The following ERGIC3 variants were observed in gnomAD, a reference collection of about 807,000 sequenced individuals.
ERGIC3 encodes ERGIC and golgi 3, also known as endoplasmic reticulum-Golgi intermediate compartment protein 3.
A neutral mutation model predicts 54.7 loss-of-function variants in ERGIC3; 33 were observed. The observed-to-expected ratio is 0.60, with a 90% CI of 0.46 to 0.81. The LOEUF is 0.81. Ranked by LOEUF, ERGIC3 falls within the 30% of genes least tolerant of loss-of-function variation. The pLI is 0.00. For missense variants in ERGIC3, 399 were observed against 488.4 expected, an observed-to-expected ratio of 0.82 and a Z score of 1.73; for synonymous variants, 186 against 189.8, an observed-to-expected ratio of 0.98 and a Z score of 0.16.
chr20:35,554,441 C>A, intron 7 of ERGIC3: 5 of 1,608,162 alleles, frequency 3.1e-6, no homozygotes, highest in Non-Finnish European at 4.3e-6. Context: ...GCAGCCTGCC[C>A]TACTAGAATG....
At chr20:35,553,020 A>ATGTTTTTTTTTTTTTTT (rs2064689728) in intron 7 of ERGIC3, among the ~76,000 whole-genome samples, 3 of 41,552 alleles carry the variant, frequency 7.2e-5, no homozygotes, top group African/African-American at 1.7e-4. Context: ...AAAGCTGGGG[A>ATGTTTTTTTTTTTTTTT]TTTTTTTTTT....
intron 3 of ERGIC3, 41 bp from the exon 4 acceptor site, chr20:35,542,781 C>T (rs1379588198): frequency 1.9e-6 from 3 of 1,613,810 alleles, no homozygotes; most frequent in African/African-American, 2.7e-5. Context: ...TCCCCTTGTC[C>T]CTAGGGTCCC....
intron 5 of ERGIC3, 42 bp from the exon 6 acceptor site, chr20:35,548,467 T>TA: frequency 6.2e-7 from 1 of 1,603,604 alleles, no homozygotes; most frequent in South Asian, 1.1e-5. Context: ...GCACTGGACT[T>TA]ATGCCTCTTT....
chr20:35,557,035 C>G lies in ERGIC3; in HGVS notation c.942C>G (p.Gly314=). Residue 314 remains glycine (G), a synonymous_variant, in exon 11 of 13, where the codon GGC becomes GGG. Coordinates refer to ENST00000348547, the MANE Select transcript of ERGIC3 (RefSeq NM_015966.3). ...AGAAGGTTGCCAATGGGCTGTTGGG[C>G]GACCAAGGCCTTCCCGGAGTCTTCG... ...RHEKVANGLL[G]DQGLPGVFVL... 1 of 1,614,222 alleles carries G rather than the reference C, an allele frequency of 6.2e-7. No homozygotes were observed. The highest frequency in any genetic ancestry group is 1.1e-5 in the South Asian group (1 of 91,088).
chr20:35,556,368 C>G (rs771512858), intron 10 of ERGIC3, 97 bp downstream of exon 10: 1 of 1,291,532 alleles, frequency 7.7e-7, no homozygotes, highest in African/African-American at 1.5e-5. Flanking sequence ...AAAGCTGCCT[C>G]GTCCTCACAT....
Position 35,557,063 on chromosome 20 carries a change from C to T in ERGIC3, c.970C>T (p.Leu324Phe). 2.5e-6 allele frequency: 4 copies of T among 1,614,236 alleles called. No homozygotes were observed. The highest frequency in any genetic ancestry group is 3.4e-6 in the Non-Finnish European group (4 of 1,180,034). ...CCAAGGCCTTCCCGGAGTCTTCGTC[C>T]TCTATGAGCTCTCGCCCATGATGGT... The part of the protein sequence containing the change: ...GDQGLPGVFV[L>F]YELSPMMVKL... The change falls in exon 11 of 13, where the codon CTC becomes TTC. Residue 324 changes from leucine (L) to phenylalanine (F), a missense_variant. By Grantham distance (22) the Leu-to-Phe change is conservative. Transcript: ENST00000348547.
chr20:35,542,900 A>T lies in ERGIC3; in HGVS notation c.326A>T (p.Asp109Val), dbSNP rs753294035. The stretch of plus-strand genomic sequence containing the variant: ...CACAACCTGTTCAAGCAACGACTAG[A>T]TAAAGATGGCATCCCCGTGAGCTCA... ...VEHNLFKQRL[D>V]KDGIPVSSEA... Residue 109 changes from aspartate to valine, a missense_variant, in exon 4 of 13, where the codon GAT becomes GTT. Asp to Val is a radical substitution (Grantham distance 152, BLOSUM62 -3). Transcript: ENST00000348547. 6.2e-7 allele frequency: 1 copy of T among 1,614,160 alleles called. No homozygotes were observed. Among genetic ancestry groups the T allele is most frequent in the Non-Finnish European group, 8.5e-7 (1 of 1,180,034 alleles).
chr20:35,547,374 G>A, intron 4 of ERGIC3, 38 bp from the exon 5 acceptor site: 1 of 1,545,276 alleles, frequency 6.5e-7, no homozygotes, highest in East Asian at 2.2e-5. Context: ...CACTGTGTCT[G>A]GCCCCAGCTG....
At position 35,548,621 on chromosome 20, in the gene ERGIC3, C is replaced by A. The variant is rs1175888276; in HGVS notation, c.574C>A (p.Gln192Lys). 1.9e-6 allele frequency: 3 copies of A among 1,614,066 alleles called. No homozygotes were observed. The highest frequency in any genetic ancestry group is 2.5e-6 in the Non-Finnish European group (3 of 1,180,034). ...GCGAGAGGGCTTCAGCCAGAAGATGCAGGAGCAGAAGAATGAAGGCTGCCA... is the reference window on the plus strand; with the variant it reads ...GCGAGAGGGCTTCAGCCAGAAGATGAAGGAGCAGAAGAATGAAGGCTGCCA... ...CRREGFSQKM[Q>K]EQKNEGCQVY... The change falls in exon 6 of 13, where the codon CAG (glutamine) becomes AAG (lysine). Residue 192 changes from glutamine (Q) to lysine (K), a missense_variant. By Grantham distance (53) the Gln-to-Lys change is moderately conservative (BLOSUM62 1). Transcript: ENST00000348547.
At chr20:35,552,764 A>G (rs1463306568) in intron 7 of ERGIC3, among the ~76,000 whole-genome samples, 3 of 152,154 alleles carry the variant, frequency 2.0e-5, no homozygotes, top group Non-Finnish European at 4.4e-5. Flanking sequence ...CAACAGAGCA[A>G]GTGGCTTGGG....
chr20:35,548,701 G>C lies in ERGIC3; in HGVS notation c.627+27G>C, dbSNP rs764363895. 2.5e-6 allele frequency: 4 copies of C among 1,614,160 alleles called. No individual in the cohort carries two copies. The Admixed American group carries it at 6.7e-5, about 27-fold the overall frequency. The stretch of plus-strand genomic sequence containing the variant: ...TATCAGGAGGGATCAAGACAAGATA[G>C]GGCCAGCTGGGCTGGGCAAGCTCCA... On this transcript the variant is annotated intron_variant, in intron 6 of 12. Transcript: ENST00000348547.
At chr20:35,551,175 T>G (rs1184231058) in intron 7 of ERGIC3, among the ~76,000 whole-genome samples, 1 of 151,908 alleles carries the variant, frequency 6.6e-6, no homozygotes, top group Non-Finnish European at 1.5e-5. Flanking sequence ...GCGCCTGTAG[T>G]CCCAGCTACT....
chr20:35,553,020 A>ATTT (rs141438822), intron 7 of ERGIC3, among the ~76,000 whole-genome samples: 9,563 of 41,302 alleles, frequency 0.23, 3,509 homozygotes, highest in Middle Eastern at 0.5. Context: ...AAAGCTGGGG[A>ATTT]TTTTTTTTTT....
chr20:35,548,326 A>G (rs991546405), intron 5 of ERGIC3, among the ~76,000 whole-genome samples, 183 bp from the exon 6 acceptor site: 1 of 152,172 alleles, frequency 6.6e-6, no homozygotes, highest in African/African-American at 2.4e-5. Flanking sequence ...AAATTTTAAA[A>G]ATTAAAAAAA....
chr20:35,555,970 A>G (rs1241839913), intron 8 of ERGIC3, 63 bp from the exon 9 acceptor site: 1 of 1,505,420 alleles, frequency 6.6e-7, no homozygotes, highest in Non-Finnish European at 9.2e-7. Flanking sequence ...AGACGGACCC[A>G]GGTGTCCCTG....
chr20:35,551,150 C>T (rs1036404741), intron 7 of ERGIC3, among the ~76,000 whole-genome samples: 3 of 151,878 alleles, frequency 2.0e-5, no homozygotes, highest in African/African-American at 7.3e-5. Flanking sequence ...AAAAATCAGC[C>T]GGGCGTAGCG....
Position 35,555,074 on chromosome 20 carries a change from A to G in ERGIC3, c.716A>G (p.Asn239Ser). Reference protein sequence around the residue: ...VHDLQSFGLDNINMTHYIQHL... With the variant: ...VHDLQSFGLDSINMTHYIQHL... ...GACTTGCAGAGCTTTGGCCTTGACA[A>G]CGTACGTACCAGATGGAAACCATGG... Residue 239 changes from asparagine (N) to serine (S), a missense_variant and splice_region_variant, in exon 8 of 13, where the codon AAC becomes AGC. Physicochemically the swap from Asn to Ser is conservative, Grantham distance 46 (BLOSUM62 1). Transcript: ENST00000348547. The G allele has an allele frequency of 6.2e-7, 1 of 1,602,168 alleles. No homozygotes were observed. Among genetic ancestry groups the G allele is most frequent in the Non-Finnish European group, 8.5e-7 (1 of 1,173,636 alleles).
chr20:35,549,653 T>C (rs2064670937), intron 7 of ERGIC3: 1 of 168,480 alleles, frequency 5.9e-6, no homozygotes, highest in African/African-American at 2.4e-5. Flanking sequence ...TTTTTCTTTT[T>C]TGAGACAGAG....
At chr20:35,549,616 A>G (rs1452779133) in intron 7 of ERGIC3, 1 of 168,604 alleles carries the variant, frequency 5.9e-6, no homozygotes, top group Non-Finnish European at 1.3e-5. Context: ...TGGGTATTAC[A>G]TGCATTTTTC....
Sources: gnomAD v4.1 joint callset for allele counts (sites outside exome capture counted in the v4.1 genomes callset) on GRCh38, gnomAD v4.1.1 for gene constraint, MANE v1.5 for transcripts, NCBI Gene and HGNC (gene_info 2026-07-23, HGNC 2026-07-21) for gene names.